The following THSD7A variants were observed in gnomAD, a reference collection of about 807,000 sequenced individuals.
The protein encoded by THSD7A is thrombospondin type-1 domain-containing protein 7A.
A neutral mutation model predicts 231.3 loss-of-function variants in THSD7A; 96 were observed. The observed-to-expected ratio is 0.41, with a 90% CI of 0.35 to 0.49. THSD7A has a LOEUF of 0.49. Ranked by LOEUF, THSD7A falls within the 20% of genes least tolerant of loss-of-function variation. The pLI is 0.05. For missense variants in THSD7A, 2,290 were observed against 2,070.2 expected, an observed-to-expected ratio of 1.11 and a Z score of -2.06; for synonymous variants, 940 against 743.3, an observed-to-expected ratio of 1.26 and a Z score of -4.30.
At chr7:11,607,654 A>G (rs930130971) in intron 2 of THSD7A, among the ~76,000 whole-genome samples, 6 of 152,054 alleles carry the variant, frequency 3.9e-5, no homozygotes, top group African/African-American at 1.2e-4. Flanking sequence ...AATTCAAATG[A>G]GTGTTTTACA....
Position 11,636,883 on chromosome 7 carries a change from T to A in THSD7A, c.269A>T (p.Glu90Val). 1 of 1,613,830 alleles carries A rather than the reference T, an allele frequency of 6.2e-7. No individual in the cohort carries two copies. The highest frequency in any genetic ancestry group is 8.5e-7 in the Non-Finnish European group (1 of 1,179,874). Residue 90 changes from glutamate to valine, a missense_variant, in exon 2 of 28, where the codon GAG (glutamate) becomes GTG (valine). By Grantham distance (121) the Glu-to-Val change is moderately radical. Coordinates refer to ENST00000423059, the MANE Select transcript of THSD7A (RefSeq NM_015204.3). This position sits in a 1 kb window ranked among gnomAD's most constrained non-coding sequence, Gnocchi z 10.0. ...GTTAGTATGCAGTGTAGTCCATCCC[T>A]CCACATGAGCACACCACACAGCCCT... ...QTRAVWCAHV[E>V]GWTTLHTNCK...
chr7:11,816,735 G>A (rs72592767), intron 1 of THSD7A, among the ~76,000 whole-genome samples: 48,260 of 151,922 alleles, frequency 0.32, 8,047 homozygotes, highest in East Asian at 0.52. Flanking sequence ...ATATTTTAGT[G>A]AAAAAAGTGT....
At chr7:11,462,172 T>C (rs367841751) in intron 9 of THSD7A, 29 bp from the exon 10 acceptor site, 2 of 1,610,310 alleles carry the variant, frequency 1.2e-6, no homozygotes, top group East Asian at 2.2e-5. Flanking sequence ...TTAACCTCTG[T>C]ACTTTACACT....
intron 6 of THSD7A, among the ~76,000 whole-genome samples, chr7:11,505,317 C>T (rs936814439): frequency 6.6e-6 from 1 of 152,090 alleles, no homozygotes; most frequent in African/African-American, 2.4e-5. Context: ...TTCAAATATC[C>T]ATTTCAAATA....
intron 1 of THSD7A, among the ~76,000 whole-genome samples, chr7:11,651,553 T>G (rs113203186): frequency 2.0e-5 from 3 of 151,880 alleles, no homozygotes; most frequent in African/African-American, 7.3e-5. Context: ...AGCCCACCCT[T>G]TTTTAGTCAT....
At chr7:11,542,761 A>T (rs1008726697) in intron 5 of THSD7A, among the ~76,000 whole-genome samples, 1 of 152,210 alleles carries the variant, frequency 6.6e-6, no homozygotes, top group East Asian at 1.9e-4. Flanking sequence ...GTCTAAATTA[A>T]CAAGCATTTA....
intron 1 of THSD7A, among the ~76,000 whole-genome samples, chr7:11,698,396 T>A (rs1780467510): frequency 1.3e-5 from 2 of 151,340 alleles, no homozygotes; most frequent in Non-Finnish European, 3.0e-5. Flanking sequence ...AGCTTTCATA[T>A]AATTTATTCA....
At chr7:11,696,371 A>G (rs9647954) in intron 1 of THSD7A, among the ~76,000 whole-genome samples, 37,689 of 151,518 alleles carry the variant, frequency 0.25, 5,097 homozygotes, top group Non-Finnish European at 0.31. Flanking sequence ...TAGCTGGAAG[A>G]TATAAGGAAG....
intron 1 of THSD7A, among the ~76,000 whole-genome samples, chr7:11,717,573 G>C (rs1170751275): frequency 6.6e-6 from 1 of 151,560 alleles, no homozygotes; most frequent in Non-Finnish European, 1.5e-5. Flanking sequence ...CAAGATGGAG[G>C]ATTCTGATCT....
chr7:11,418,913 T>C (rs1197267558), intron 16 of THSD7A, among the ~76,000 whole-genome samples: 2 of 151,704 alleles, frequency 1.3e-5, no homozygotes, highest in South Asian at 2.1e-4. Flanking sequence ...TTGAAAAAAA[T>C]AAATCAAATT....
intron 6 of THSD7A, among the ~76,000 whole-genome samples, chr7:11,514,747 G>C (rs183478240): frequency 6.6e-6 from 1 of 152,018 alleles, no homozygotes; most frequent in Non-Finnish European, 1.5e-5. Flanking sequence ...ACAATACTAC[G>C]TGTGCTTACT....
chr7:11,794,143 G>C (rs566086755), intron 1 of THSD7A, among the ~76,000 whole-genome samples: 1 of 151,908 alleles, frequency 6.6e-6, no homozygotes, highest in East Asian at 1.9e-4. Context: ...ATTATAATAA[G>C]TAAACATACA....
chr7:11,485,833 A>G lies in THSD7A; in HGVS notation c.1823-3851T>C, dbSNP rs149612445. Among the ~76,000 whole-genome samples the G allele has an allele frequency of 1.4e-3, 210 of 152,350 alleles. 1 individual carries two copies. Among genetic ancestry groups the G allele is most frequent in the African/African-American group, 4.8e-3 (201 of 41,594 alleles). On this transcript the variant is annotated intron_variant, in intron 6 of 27. Transcript: ENST00000423059. Reference sequence around the variant, plus strand: ...CACACAGTGCTTCAAATACAAAGACATGCATTGTTGATGAGTCCAGTGGGA... The same window carrying G: ...CACACAGTGCTTCAAATACAAAGACGTGCATTGTTGATGAGTCCAGTGGGA...
At chr7:11,763,333 A>G (rs892149520) in intron 1 of THSD7A, among the ~76,000 whole-genome samples, 4 of 152,210 alleles carry the variant, frequency 2.6e-5, no homozygotes, top group Non-Finnish European at 4.4e-5. Context: ...TAGCTAAAAT[A>G]TCACTTCTCA....
rs200377056 is a variant in THSD7A, at chr7:11,590,503, G to A, written c.1410C>T (p.Asn470=). 20 of 1,612,710 alleles carry A rather than the reference G, an allele frequency of 1.2e-5. No individual in the cohort carries two copies. Among genetic ancestry groups the A allele is most frequent in the South Asian group, 5.5e-5 (5 of 90,902 alleles). ...QTREVYCVQA[N]ENLLSQLSTH... is the part of the protein sequence containing the mutation. The stretch of plus-strand genomic sequence containing the variant: ...TACTTAATTGTGAGAGGAGGTTTTC[G>A]TTGGCCTGCACGCAGTACACCTCTC... The change falls in exon 4 of 28, where the codon AAC becomes AAT. Residue 470 remains asparagine, a synonymous_variant. Transcript: ENST00000423059. The surrounding 1 kb of genome is among the most constrained non-coding windows in gnomAD (Gnocchi z 4.4).
chr7:11,401,978 A>T lies in THSD7A; in HGVS notation c.4238-10T>A. The T allele has an allele frequency of 6.2e-7, 1 of 1,608,268 alleles. No individual in the cohort carries two copies. The highest frequency in any genetic ancestry group is 8.5e-7 in the Non-Finnish European group (1 of 1,177,522). ...TTCAAATAACAGTCACCTGTAAAAC[A>T]CATATTTGTAATTTACACCCATATC... On this transcript the variant is annotated splice_polypyrimidine_tract_variant and intron_variant, in intron 22 of 27. Transcript: ENST00000423059.
chr7:11,719,022 G>C (rs17246341), intron 1 of THSD7A, among the ~76,000 whole-genome samples: 19,965 of 151,544 alleles, frequency 0.13, 1,501 homozygotes, highest in Admixed American at 0.18. Flanking sequence ...AAGAAGAGCA[G>C]GACTATGTAT....
rs765995167 is a variant in THSD7A at position 11,446,945 on chromosome 7, C to T, written c.2800+285G>A. On this transcript the variant is annotated intron_variant, in intron 12 of 27. Coordinates refer to ENST00000423059, the MANE Select transcript of THSD7A (RefSeq NM_015204.3). The surrounding 1 kb of genome is among the most constrained non-coding windows in gnomAD (Gnocchi z 4.0). ...TCTCTTGTTCCCCAAAAACTTTGCT[C>T]CAAGCACTTTACAGTCTGCAGGCAG... is the stretch of plus-strand genomic sequence containing the variant. 6.6e-6 allele frequency among the ~76,000 whole-genome samples: 1 copy of T among 152,070 alleles called. No individual in the cohort carries two copies. Among genetic ancestry groups the T allele is most frequent in the African/African-American group, 2.4e-5 (1 of 41,412 alleles).
In THSD7A at chr7:11,401,872, G is replaced by C. The variant is rs772959234; in HGVS notation, c.4334C>G (p.Ser1445Cys). 9.3e-6 allele frequency: 15 copies of C among 1,613,748 alleles called. No homozygotes were observed. The highest frequency in any genetic ancestry group is 1.3e-5 in the Non-Finnish European group (15 of 1,179,832). Residue 1445 changes from serine (S) to cysteine (C), a missense_variant, in exon 23 of 28, where the codon TCC (serine) becomes TGC (cysteine). By Grantham distance (112) the Ser-to-Cys change is moderately radical (BLOSUM62 -1). Coordinates refer to ENST00000423059, the MANE Select transcript of THSD7A (RefSeq NM_015204.3). ...TAGTTCTTGTATAATCACCGGTCTG[G>C]ATCTGACCTGTATTCCACCAAAGCC... is the stretch of plus-strand genomic sequence containing the variant. ...DLGFGGIQVRSRPVIIQELEN... is the reference protein window; with the variant it reads ...DLGFGGIQVRCRPVIIQELEN...
Sources: allele counts gnomAD v4.1 joint callset (sites outside exome capture counted in the v4.1 genomes callset), GRCh38; gene constraint gnomAD v4.1.1; non-coding constraint Gnocchi (gnomAD v3.1); transcripts MANE v1.5; gene names NCBI Gene and HGNC (gene_info 2026-07-23, HGNC 2026-07-21).